The following TENM2 variants were observed in gnomAD, a reference collection of about 807,000 sequenced individuals.
The protein encoded by TENM2 is teneurin-2.
A neutral mutation model predicts 245.2 loss-of-function variants in TENM2; 52 were observed. The observed-to-expected ratio is 0.21, with a 90% CI of 0.17 to 0.27. TENM2 has a LOEUF of 0.27. Among genes scored for constraint, TENM2 ranks in the 10% least tolerant of loss-of-function variants. TENM2 has a pLI of 1.00. For missense variants in TENM2, 3,046 were observed against 3,666.8 expected, an observed-to-expected ratio of 0.83 and a Z score of 4.37; for synonymous variants, 1,363 against 1,438.9, an observed-to-expected ratio of 0.95 and a Z score of 1.19.
chr5:167,842,580 CA>C (rs1160974467), intron 2 of TENM2, among the ~76,000 whole-genome samples: 266 of 45,310 alleles, frequency 5.9e-3, no homozygotes, highest in Non-Finnish European at 9.9e-3. Context: ...GACTCCATGT[CA>C]AAAAAAAAAA....
chr5:167,970,421 A>G (rs1197975376), intron 4 of TENM2, among the ~76,000 whole-genome samples: 1 of 152,212 alleles, frequency 6.6e-6, no homozygotes, highest in Non-Finnish European at 1.5e-5. Flanking sequence ...CTTACTAACC[A>G]GTGCTCTTTA....
chr5:167,050,505 T>C, the TENM2 span, among the ~76,000 whole-genome samples: 3 of 152,090 alleles, frequency 2.0e-5, no homozygotes, highest in African/African-American at 7.2e-5. Context: ...TTGAACAACC[T>C]CATGGTAGGA....
rs78565475 is a variant in TENM2 at position 167,738,965 on chromosome 5, G to A, written c.503-137021G>A. ...GTTAGGGCTCCAACATATGAATGGG[G>A]GACACCATTCTGTAACAGGGATGAA... is the stretch of plus-strand genomic sequence containing the variant. On this transcript the variant is annotated intron_variant, in intron 2 of 28. Transcript: ENST00000518659. Among the ~76,000 whole-genome samples the A allele has an allele frequency of 6.6e-4, 101 of 152,192 alleles. 1 individual carries two copies. In the East Asian group the frequency reaches 0.018, roughly 27 times the overall value.
intron 2 of TENM2, among the ~76,000 whole-genome samples, chr5:167,383,388 A>C (rs1233403401): frequency 6.6e-6 from 1 of 152,086 alleles, no homozygotes; most frequent in Non-Finnish European, 1.5e-5. Context: ...TAAACCAATG[A>C]TGCTGTCTCA....
chr5:167,285,145 C>T, intron 1 of TENM2, 82 bp downstream of exon 3: 1 of 1,112,998 alleles, frequency 9.0e-7, no homozygotes, highest in East Asian at 2.6e-5. Flanking sequence ...TTTTGGAGAT[C>T]CAGCATGGTG....
At position 167,863,620 on chromosome 5, in the gene TENM2, G is replaced by A. The variant is rs1309436752; in HGVS notation, c.503-12366G>A. ...GATTGTGCCACTGTACTCCAGCCTG[G>A]GTGACAGAGTGAGACTCTGTGTCTC... On this transcript the variant is annotated intron_variant, in intron 2 of 28. Coordinates refer to ENST00000518659, the Ensembl canonical transcript of TENM2. 2.6e-5 allele frequency among the ~76,000 whole-genome samples: 4 copies of A among 152,034 alleles called. No individual in the cohort carries two copies. In the East Asian group the frequency reaches 5.8e-4, roughly 22 times the overall value.
intron 2 of TENM2, among the ~76,000 whole-genome samples, chr5:167,403,473 T>C (rs1215973617): frequency 2.0e-5 from 3 of 152,180 alleles, no homozygotes; most frequent in African/African-American, 7.2e-5. Context: ...TGGATATTCC[T>C]TCTAATGATT....
intron 1 of TENM2, among the ~76,000 whole-genome samples, chr5:167,350,157 C>G (rs1758732886): frequency 6.6e-6 from 1 of 152,098 alleles, no homozygotes; most frequent in South Asian, 2.1e-4. Context: ...AGTCCCTGTT[C>G]TTATACTGGC....
chr5:167,777,666 G>A (rs186420839), intron 2 of TENM2, among the ~76,000 whole-genome samples: 135 of 152,316 alleles, frequency 8.9e-4, no homozygotes, highest in Non-Finnish European at 1.6e-3. Flanking sequence ...CAGGGTTGTT[G>A]TGAAGATCAA....
At chr5:167,833,194 C>T (rs1768664978) in intron 2 of TENM2, among the ~76,000 whole-genome samples, 1 of 151,936 alleles carries the variant, frequency 6.6e-6, no homozygotes, top group African/African-American at 2.4e-5. Flanking sequence ...TATTATTAAG[C>T]ATCCATCAAT....
chr5:167,405,616 G>A (rs1006850521), intron 2 of TENM2, among the ~76,000 whole-genome samples: 3 of 151,772 alleles, frequency 2.0e-5, no homozygotes, highest in Non-Finnish European at 2.9e-5. Flanking sequence ...ACATCTCTTC[G>A]TATTGACAGT....
intron 2 of TENM2, among the ~76,000 whole-genome samples, chr5:167,745,922 C>T (rs1761527625): frequency 6.6e-6 from 1 of 152,170 alleles, no homozygotes; most frequent in Admixed American, 6.5e-5. Flanking sequence ...ATTTGGGGCT[C>T]TTATGATGCC....
At chr5:167,238,614 C>T in the TENM2 span, among the ~76,000 whole-genome samples, 2 of 148,560 alleles carry the variant, frequency 1.3e-5, 1 homozygote, top group African/African-American at 5.0e-5. Flanking sequence ...ATGCACAGAG[C>T]ACATGTGCTT....
the TENM2 span, among the ~76,000 whole-genome samples, chr5:167,210,646 G>A: frequency 6.6e-6 from 1 of 150,500 alleles, no homozygotes; most frequent in Non-Finnish European, 1.5e-5. Flanking sequence ...TGTATTTTTA[G>A]TAGAGACGGG....
chr5:168,199,872 T>G (rs970535602), exon 17 of TENM2: 2 of 1,613,640 alleles, frequency 1.2e-6, no homozygotes, highest in African/African-American at 1.3e-5. Flanking sequence ...AGGTTCTTCA[T>G]GAAGAAATCG....
intron 3 of TENM2, among the ~76,000 whole-genome samples, chr5:167,935,609 A>G (rs1195953111): frequency 6.6e-6 from 1 of 152,088 alleles, no homozygotes; most frequent in African/African-American, 2.4e-5. Context: ...GCATCTGTAC[A>G]TGGTTCCTGG....
At chr5:168,111,913 A>G (rs1794699126) in intron 9 of TENM2, among the ~76,000 whole-genome samples, 1 of 152,220 alleles carries the variant, frequency 6.6e-6, no homozygotes, top group Non-Finnish European at 1.5e-5. Context: ...TGCTTTGCCT[A>G]GGTTTTCATT....
At chr5:167,488,611 G>C (rs1215571939) in intron 2 of TENM2, among the ~76,000 whole-genome samples, 1 of 151,958 alleles carries the variant, frequency 6.6e-6, no homozygotes, top group African/African-American at 2.4e-5. Flanking sequence ...AGCTCACCAA[G>C]TCTCACTCTT....
chr5:167,331,984 G>GA (rs1400642127), intron 1 of TENM2, among the ~76,000 whole-genome samples: 1 of 151,864 alleles, frequency 6.6e-6, no homozygotes, highest in Admixed American at 6.6e-5. Flanking sequence ...GAGAGAGAAG[G>GA]AAAAAAAATT....
Sources: gnomAD v4.1 joint callset for allele counts (sites outside exome capture counted in the v4.1 genomes callset) on GRCh38, gnomAD v4.1.1 for gene constraint, MANE v1.5 for transcripts, NCBI Gene and HGNC (gene_info 2026-07-23, HGNC 2026-07-21) for gene names.